HOOK3: variants seen among roughly 807,000 people sequenced by gnomAD.
HOOK3 encodes hook microtubule tethering protein 3.
Under a neutral mutation model 116.3 loss-of-function variants are expected in HOOK3, and 24 were observed. The observed-to-expected ratio is 0.21, with a 90% CI of 0.15 to 0.29. The LOEUF (loss-of-function observed/expected upper bound fraction) is 0.29, where lower values mean the gene tolerates loss of function less well. HOOK3 is among the 10% of genes least tolerant of loss of function. The pLI is 1.00. For synonymous variants in HOOK3, 275 were observed against 283.0 expected (o/e 0.97, Z 0.28); for missense variants, 632 against 830.2 (o/e 0.76, Z 2.93).
Position 43,019,740 on chromosome 8 carries a change from A to C in HOOK3, c.*1242A>C, listed in dbSNP as rs1809788663. ...ATATAAGGTGCTATATAAGTGTGAA[A>C]TATCATTCATTTATAAATGAAATGC... On this transcript the variant is annotated 3_prime_UTR_variant, in exon 22 of 22. Coordinates refer to ENST00000307602, the MANE Select transcript of HOOK3 (RefSeq NM_032410.4). 4.9e-6 allele frequency: 1 copy of C among 205,026 alleles called. No homozygotes were observed. The highest frequency in any genetic ancestry group is 1.0e-5 in the Non-Finnish European group (1 of 100,412). 12.7% of individuals were successfully genotyped at this position (205,026 alleles called of 1,614,324 possible).
At chr8:42,969,234 T>G (rs1808685377) in intron 11 of HOOK3, among the ~76,000 whole-genome samples, 1 of 152,218 alleles carries the variant, frequency 6.6e-6, no homozygotes, top group Non-Finnish European at 1.5e-5. Context: ...TCAATGTAGT[T>G]AGATATTAGC....
At chr8:42,968,302 T>C in intron 11 of HOOK3, 88 bp downstream of exon 11, 1 of 903,226 alleles carries the variant, frequency 1.1e-6, no homozygotes, top group South Asian at 1.6e-5. Context: ...TTTGTTTTCA[T>C]GGTATTCTGT....
At chr8:42,898,521 C>T (rs75536083) in intron 1 of HOOK3, among the ~76,000 whole-genome samples, 2 of 152,032 alleles carry the variant, frequency 1.3e-5, no homozygotes, top group Non-Finnish European at 2.9e-5. Flanking sequence ...TTACTAAATT[C>T]TTTGATGTTG....
intron 4 of HOOK3, among the ~76,000 whole-genome samples, chr8:42,931,489 T>A (rs1807872417): frequency 6.8e-6 from 1 of 147,144 alleles, no homozygotes; most frequent in Admixed American, 7.0e-5. Flanking sequence ...TGGAGTGCAG[T>A]GGCGCAATCT....
chr8:42,926,733 T>G (rs984150395), intron 3 of HOOK3, among the ~76,000 whole-genome samples: 1 of 152,192 alleles, frequency 6.6e-6, no homozygotes, highest in African/African-American at 2.4e-5. Context: ...ATTGGTACAG[T>G]CCATATTTTA....
At chr8:42,918,603 C>G (rs1807577835) in intron 2 of HOOK3, among the ~76,000 whole-genome samples, 5 of 152,030 alleles carry the variant, frequency 3.3e-5, no homozygotes, top group Admixed American at 3.3e-4. Context: ...TCCCTGGGTA[C>G]TTGAGATTAG....
chr8:42,976,195 T>C lies in HOOK3; in HGVS notation c.1321+2001T>C, dbSNP rs184705942. 4.1e-3 allele frequency among the ~76,000 whole-genome samples: 621 copies of C among 152,194 alleles called. 1 individual carries two copies. Among genetic ancestry groups the C allele is most frequent in the South Asian group, 6.8e-3 (33 of 4,822 alleles). The stretch of plus-strand genomic sequence containing the variant: ...CAACAGTGCTATTCAGGTTAGGGGC[T>C]GTCAGTGTTTGGTAGAAAAGGGCAA... On this transcript the variant is annotated intron_variant, in intron 13 of 21. Coordinates refer to ENST00000307602, the MANE Select transcript of HOOK3 (RefSeq NM_032410.4).
chr8:42,912,136 T>A (rs1377551650), intron 2 of HOOK3, among the ~76,000 whole-genome samples: 1 of 152,126 alleles, frequency 6.6e-6, no homozygotes, highest in Non-Finnish European at 1.5e-5. Flanking sequence ...CAGGTGAGTG[T>A]GGGTGCCAAA....
intron 8 of HOOK3, among the ~76,000 whole-genome samples, chr8:42,962,954 A>G (rs1470297470): frequency 6.6e-6 from 1 of 151,862 alleles, no homozygotes. Flanking sequence ...GGCGTTTGCC[A>G]CCACGCCTGG....
intron 11 of HOOK3, among the ~76,000 whole-genome samples, chr8:42,970,620 G>GT (rs1418047671): frequency 6.6e-6 from 1 of 152,062 alleles, no homozygotes; most frequent in Non-Finnish European, 1.5e-5. Context: ...TTTAAATGCA[G>GT]TTAGATAGAT....
chr8:43,005,199 C>A (rs58246543), intron 17 of HOOK3, among the ~76,000 whole-genome samples: 7,424 of 95,580 alleles, frequency 0.078, 381 homozygotes, highest in African/African-American at 0.13. Context: ...CTCTCTCTCT[C>A]TATATATATA....
chr8:42,904,240 C>G (rs1239732544), intron 1 of HOOK3, among the ~76,000 whole-genome samples: 1 of 151,740 alleles, frequency 6.6e-6, no homozygotes, highest in African/African-American at 2.4e-5. Flanking sequence ...AGTATATAAA[C>G]CTACTCAAAT....
At chr8:42,939,743 G>A (rs1451138474) in intron 4 of HOOK3, among the ~76,000 whole-genome samples, 112 of 145,874 alleles carry the variant, frequency 7.7e-4, no homozygotes, top group African/African-American at 2.6e-3. Context: ...GCTGCCGGGC[G>A]GAGGGGCTCC....
chr8:42,907,816 C>CAAAAAAAAAAAAAAAAAAAAAAAAAAA (rs71550426), intron 2 of HOOK3, among the ~76,000 whole-genome samples: 1 of 46,198 alleles, frequency 2.2e-5, no homozygotes, highest in African/African-American at 6.5e-5. Context: ...AGCAACGAGG[C>CAAAAAAAAAAAAAAAAAAAAAAAAAAA]AAAAAAAAAA....
At chr8:42,943,101 A>G (rs1471324352) in intron 4 of HOOK3, among the ~76,000 whole-genome samples, 1 of 151,534 alleles carries the variant, frequency 6.6e-6, no homozygotes, top group East Asian at 1.9e-4. Context: ...CTCGATGTAC[A>G]TGCCACATAC....
intron 4 of HOOK3, among the ~76,000 whole-genome samples, chr8:42,942,753 G>C (rs916913162): frequency 2.0e-5 from 3 of 152,184 alleles, no homozygotes; most frequent in Non-Finnish European, 1.5e-5. Flanking sequence ...TGAGTTGGGG[G>C]TGCTTTTTGA....
intron 11 of HOOK3, among the ~76,000 whole-genome samples, chr8:42,968,549 T>G (rs1005623369): frequency 3.3e-5 from 5 of 152,140 alleles, no homozygotes; most frequent in African/African-American, 9.7e-5. Flanking sequence ...AGGCTGGTCT[T>G]GTACTCCTGA....
intron 17 of HOOK3, among the ~76,000 whole-genome samples, chr8:43,003,014 CT>C (rs1421784031): frequency 2.0e-5 from 3 of 152,118 alleles, no homozygotes; most frequent in Non-Finnish European, 2.9e-5. Flanking sequence ...TTATCTTTAA[CT>C]GAGGTTGACC....
rs1314848092 is a variant in HOOK3, at chr8:43,027,790, C to T, written c.*9292C>T. On this transcript the variant is annotated 3_prime_UTR_variant, in exon 22 of 22. Coordinates refer to ENST00000307602, the MANE Select transcript of HOOK3 (RefSeq NM_032410.4). Reference sequence around the variant, plus strand: ...AAGTAAAATTAAAACTATAGTTTCTCAGTGGCCTAGCCACATTTCAAGTGT... The same window carrying T: ...AAGTAAAATTAAAACTATAGTTTCTTAGTGGCCTAGCCACATTTCAAGTGT... The T allele has an allele frequency of 1.9e-5, 4 of 207,714 alleles. No homozygotes were observed. The highest frequency in any genetic ancestry group is 3.9e-5 in the Non-Finnish European group (4 of 101,560). 12.9% of individuals were successfully genotyped at this position (207,714 alleles called of 1,614,324 possible).
Sources: gnomAD v4.1 joint callset for allele counts (sites outside exome capture counted in the v4.1 genomes callset) on GRCh38, gnomAD v4.1.1 for gene constraint, MANE v1.5 for transcripts, NCBI Gene and HGNC (gene_info 2026-07-23, HGNC 2026-07-21) for gene names.